The following MYO10 variants were observed in gnomAD, a reference collection of about 807,000 sequenced individuals.
MYO10 encodes myosin X.
Under a neutral mutation model 257.3 loss-of-function variants are expected in MYO10, and 133 were observed. That is an observed-to-expected ratio of 0.52 (90% CI 0.45 to 0.60). The LOEUF (loss-of-function observed/expected upper bound fraction) is 0.60. MYO10 is among the 20% of genes least tolerant of loss of function. MYO10 has a pLI of 0.00. For missense variants in MYO10, 2,399 were observed against 2,635.7 expected (o/e 0.91, Z 1.97); for synonymous variants, 1,104 against 1,028.6 (o/e 1.07, Z -1.40).
chr5:16,666,617 A>G lies in MYO10; in HGVS notation c.*75T>C, dbSNP rs1736180223. 7.8e-7 allele frequency: 1 copy of G among 1,281,340 alleles called. No homozygotes were observed. The highest frequency in any genetic ancestry group is 2.5e-5 in the East Asian group (1 of 39,510). 79.4% of individuals were successfully genotyped at this position (1,281,340 alleles called of 1,614,324 possible). A position where few individuals can be genotyped will look rare whatever the true frequency, so the allele number is the denominator to read the frequency against. On this transcript the variant is annotated 3_prime_UTR_variant, in exon 41 of 41. Transcript: ENST00000513610. ...AGCTCTGTGTTTGTTTTGGCTGGGC[A>G]TGGCACACTGGAGCCAGCCTAGGCC...
intron 5 of MYO10, among the ~76,000 whole-genome samples, chr5:16,782,629 A>G (rs1360892968): frequency 6.6e-6 from 1 of 152,130 alleles, no homozygotes; most frequent in Non-Finnish European, 1.5e-5. Flanking sequence ...AAAAACAAAA[A>G]CAGGCTGCAA....
intron 19 of MYO10, among the ~76,000 whole-genome samples, chr5:16,741,309 T>A (rs1740010401): frequency 6.6e-6 from 1 of 152,228 alleles, no homozygotes; most frequent in Non-Finnish European, 1.5e-5. Flanking sequence ...TCAACTCCGA[T>A]AACATCTCAC....
At chr5:16,820,609 C>A (rs183439522) in intron 2 of MYO10, among the ~76,000 whole-genome samples, 23 of 152,298 alleles carry the variant, frequency 1.5e-4, no homozygotes, top group Non-Finnish European at 2.8e-4. Context: ...CCAGCCCCTG[C>A]AAACTCACCA....
intron 28 of MYO10, among the ~76,000 whole-genome samples, chr5:16,686,440 A>G (rs1038378367): frequency 5.3e-5 from 8 of 152,116 alleles, no homozygotes; most frequent in Non-Finnish European, 1.0e-4. Flanking sequence ...AAATATTCCA[A>G]ACTCCAAAAT....
intron 26 of MYO10, among the ~76,000 whole-genome samples, chr5:16,698,135 C>T (rs937750817): frequency 2.0e-5 from 3 of 152,264 alleles, no homozygotes; most frequent in East Asian, 3.9e-4. Context: ...CTTTGGGAGG[C>T]CAAGGTGGGA....
At chr5:16,709,255 G>A (rs532638324) in intron 21 of MYO10, among the ~76,000 whole-genome samples, 10 of 152,322 alleles carry the variant, frequency 6.6e-5, no homozygotes, top group Admixed American at 5.9e-4. Context: ...GTTGGCTACA[G>A]GAGTGGAGAG....
chr5:16,851,111 C>T (rs759929722), intron 2 of MYO10, among the ~76,000 whole-genome samples: 6 of 152,064 alleles, frequency 3.9e-5, no homozygotes, highest in Non-Finnish European at 5.9e-5. Context: ...GCTTCAAATG[C>T]CTTTTAACCA....
chr5:16,668,940 G>A (rs1274395354), intron 39 of MYO10, among the ~76,000 whole-genome samples: 4 of 152,102 alleles, frequency 2.6e-5, no homozygotes, highest in Non-Finnish European at 4.4e-5. Context: ...TCCAAATCAC[G>A]CATGCTGAGC....
chr5:16,742,057 T>A (rs560696086), intron 19 of MYO10: 1 of 985,390 alleles, frequency 1.0e-6, no homozygotes, highest in South Asian at 4.7e-5. Context: ...AGGGGCAAAC[T>A]AACCATCATG....
chr5:16,752,417 G>A (rs1004228328), intron 19 of MYO10, among the ~76,000 whole-genome samples: 9 of 152,164 alleles, frequency 5.9e-5, no homozygotes, highest in Admixed American at 2.6e-4. Context: ...CAAGTAGCTG[G>A]GACTACAGAC....
intron 1 of MYO10, among the ~76,000 whole-genome samples, chr5:16,920,557 TG>T (rs2126800290): frequency 6.6e-6 from 1 of 152,276 alleles, no homozygotes; most frequent in South Asian, 2.1e-4. Flanking sequence ...GGGACTGTCA[TG>T]GAACAGTTCT....
rs1736590443 is a variant in MYO10, at chr5:16,673,834, C to T, written c.5020G>A (p.Glu1674Lys). 8 of 1,613,910 alleles carry T rather than the reference C, an allele frequency of 5.0e-6. No individual in the cohort carries two copies. The highest frequency in any genetic ancestry group is 3.3e-5 in the South Asian group (3 of 91,060). ...EMEKYALFTY[E>K]SLKKTKCREF... ...CGGCATTTGGTTTTCTTAAGAGATT[C>T]GTAAGTGAAGAGAGCGTATTTTTCC... The change falls in exon 36 of 41, where the codon GAA becomes AAA. Residue 1674 changes from glutamate to lysine, a missense_variant. Physicochemically the swap from Glu to Lys is moderately conservative, Grantham distance 56 (BLOSUM62 1). Coordinates refer to ENST00000513610, the MANE Select transcript of MYO10 (RefSeq NM_012334.3).
At chr5:16,898,728 T>C (rs201989977) in intron 1 of MYO10, among the ~76,000 whole-genome samples, 2 of 151,924 alleles carry the variant, frequency 1.3e-5, no homozygotes, top group East Asian at 3.9e-4. Flanking sequence ...AATTCTGATG[T>C]GTGTTGCATG....
At position 16,924,553 on chromosome 5, in the gene MYO10, TA is replaced by T. The variant is rs535868548; in HGVS notation, c.21+11234del. 1.2e-4 allele frequency among the ~76,000 whole-genome samples: 19 copies of T among 152,244 alleles called. No individual in the cohort carries two copies. In the East Asian group the frequency reaches 2.7e-3, roughly 22 times the overall value. On this transcript the variant is annotated intron_variant, in intron 1 of 40. Transcript: ENST00000513610. ...CCGGGAAATTTTACTCCTCAGGAAA[TA>T]ATCAAATAGGCACGCAATGACTTAG... is the stretch of plus-strand genomic sequence containing the variant.
intron 26 of MYO10, 37 bp downstream of exon 26, chr5:16,699,413 C>A (rs1737919129): frequency 3.1e-6 from 5 of 1,603,920 alleles, no homozygotes; most frequent in Non-Finnish European, 4.3e-6. Context: ...GCCTCGCTCT[C>A]CCCCTAACCC....
chr5:16,683,994 C>CTTT, intron 29 of MYO10, 59 bp from the exon 30 acceptor site: 2 of 1,488,334 alleles, frequency 1.3e-6, no homozygotes, highest in South Asian at 1.2e-5. Flanking sequence ...GTGCACACTA[C>CTTT]AGTAATACCT....
chr5:16,780,724 T>G lies in MYO10; in HGVS notation c.741+4A>C. 1 of 1,573,108 alleles carries G rather than the reference T, an allele frequency of 6.4e-7. No individual in the cohort carries two copies. The highest frequency in any genetic ancestry group is 8.6e-7 in the Non-Finnish European group (1 of 1,157,062). ...AAAATGTGGATTAAATCACGTTTAC[T>G]TACTTTTTCTAATAAATCTTCATGT... On this transcript the variant is annotated splice_donor_region_variant and intron_variant, in intron 7 of 40. Coordinates refer to ENST00000513610, the MANE Select transcript of MYO10 (RefSeq NM_012334.3).
intron 3 of MYO10, among the ~76,000 whole-genome samples, chr5:16,802,300 A>G (rs1477058768): frequency 6.6e-6 from 1 of 152,200 alleles, no homozygotes; most frequent in Non-Finnish European, 1.5e-5. Flanking sequence ...GTGCATTAAC[A>G]ACGGCTGTGA....
chr5:16,742,811 CA>C lies in MYO10; in HGVS notation c.1929+12016del, dbSNP rs57564484. Among the ~76,000 whole-genome samples the C allele has an allele frequency of 2.1e-3, 276 of 133,178 alleles. 1 individual carries two copies. The highest frequency in any genetic ancestry group is 4.4e-3 in the Middle Eastern group (1 of 226). The allele number at this position is 133,178 out of a possible 152,430, so 87.4% of individuals were successfully genotyped here. A position where few individuals can be genotyped will look rare whatever the true frequency, so the allele number is the denominator to read the frequency against. ...GGTGACACAGAGCAAGACTCGGTCT[CA>C]AAAAAAAAAAAATACATACATAAAA... is the stretch of plus-strand genomic sequence containing the variant. On this transcript the variant is annotated intron_variant, in intron 19 of 40. Coordinates refer to ENST00000513610, the MANE Select transcript of MYO10 (RefSeq NM_012334.3).
Sources: allele counts gnomAD v4.1 joint callset (sites outside exome capture counted in the v4.1 genomes callset), GRCh38; gene constraint gnomAD v4.1.1; transcripts MANE v1.5; gene names NCBI Gene and HGNC (gene_info 2026-07-23, HGNC 2026-07-21).